COL24A1: variants seen among roughly 807,000 people sequenced by gnomAD.
COL24A1 encodes the protein collagen type XXIV alpha 1 chain.
Under a neutral mutation model 253.9 loss-of-function variants are expected in COL24A1, and 224 were observed. The ratio of observed to expected loss-of-function variants is 0.88; its 90% CI spans 0.79 to 0.99. COL24A1 has a LOEUF of 0.99. Among genes scored for constraint, COL24A1 ranks in the 50% least tolerant of loss-of-function variants. The pLI is 0.00. For synonymous variants in COL24A1, 685 were observed against 673.7 expected (o/e 1.02, Z -0.26); for missense variants, 2,131 against 2,068.5 (o/e 1.03, Z -0.59).
intron 2 of COL24A1, among the ~76,000 whole-genome samples, chr1:86,145,867 A>G (rs906419699): frequency 1.3e-5 from 2 of 152,078 alleles, no homozygotes; most frequent in Admixed American, 1.3e-4. Flanking sequence ...TTATTGTACA[A>G]AACTTCTTTT....
chr1:85,965,127 C>A, intron 22 of COL24A1, 65 bp from the exon 23 acceptor site: 3 of 1,269,922 alleles, frequency 2.4e-6, no homozygotes, highest in African/African-American at 3.0e-5. Flanking sequence ...TTGAAAGTTT[C>A]CTAAGATATA....
chr1:85,926,264 T>C (rs1365306795), intron 24 of COL24A1, among the ~76,000 whole-genome samples: 1 of 152,208 alleles, frequency 6.6e-6, no homozygotes, highest in African/African-American at 2.4e-5. Flanking sequence ...GAAGACAGTG[T>C]GGCAATTCCT....
At chr1:86,051,561 G>A (rs1700304590) in intron 10 of COL24A1, among the ~76,000 whole-genome samples, 1 of 152,056 alleles carries the variant, frequency 6.6e-6, no homozygotes, top group Non-Finnish European at 1.5e-5. Flanking sequence ...TGATTGGTGG[G>A]CAAGAGGTGA....
Position 85,730,470 on chromosome 1 carries a change from G to T in COL24A1, c.*76C>A. ...TTATTACATGCATTTCATAATGACT[G>T]TATCTGTCTGTCTTATTTCTCCCTC... On this transcript the variant is annotated 3_prime_UTR_variant, in exon 60 of 60. Coordinates refer to ENST00000370571, the MANE Select transcript of COL24A1 (RefSeq NM_152890.7). 1 of 1,472,812 alleles carries T rather than the reference G, an allele frequency of 6.8e-7. No homozygotes were observed. The highest frequency in any genetic ancestry group is 9.4e-7 in the Non-Finnish European group (1 of 1,064,700). 91.2% of individuals were successfully genotyped at this position (1,472,812 alleles called of 1,614,324 possible).
Position 85,916,390 on chromosome 1 carries a change from A to G in COL24A1, c.2563-4957T>C, listed in dbSNP as rs903996887. ...GATAGAGGTTCTCACTAAAAAGTAG[A>G]TAGTTCACAGGGTTCCGGCCATGCC... On this transcript the variant is annotated intron_variant, in intron 24 of 59. Coordinates refer to ENST00000370571, the MANE Select transcript of COL24A1 (RefSeq NM_152890.7). Among the ~76,000 whole-genome samples, 3 of 152,216 alleles carry G rather than the reference A, an allele frequency of 2.0e-5. No individual in the cohort carries two copies. The East Asian group carries it at 5.8e-4, about 29-fold the overall frequency.
intron 43 of COL24A1, among the ~76,000 whole-genome samples, chr1:85,828,646 C>T (rs1031834549): frequency 7.2e-6 from 1 of 139,860 alleles, no homozygotes; most frequent in African/African-American, 2.6e-5. Context: ...GTTAGCTCTT[C>T]TTGTTGAATT....
At chr1:86,015,226 C>T (rs941708247) in intron 19 of COL24A1, among the ~76,000 whole-genome samples, 1 of 152,152 alleles carries the variant, frequency 6.6e-6, no homozygotes, top group Non-Finnish European at 1.5e-5. Context: ...TTTCCCAAAA[C>T]AATCTAGCAT....
chr1:85,870,897 A>G (rs1298620999), intron 35 of COL24A1, among the ~76,000 whole-genome samples: 1 of 152,200 alleles, frequency 6.6e-6, no homozygotes, highest in African/African-American at 2.4e-5. Context: ...CAAAAAATCA[A>G]TGAATCCAAG....
chr1:85,850,985 ATG>A (rs377211464), intron 37 of COL24A1, among the ~76,000 whole-genome samples: 46 of 144,666 alleles, frequency 3.2e-4, no homozygotes, highest in African/African-American at 7.6e-4. Flanking sequence ...GTGTATGTCT[ATG>A]TGTGTGTGTG....
intron 37 of COL24A1, among the ~76,000 whole-genome samples, chr1:85,864,752 CAG>C (rs1165691253): frequency 2.0e-5 from 3 of 152,126 alleles, no homozygotes; most frequent in Non-Finnish European, 4.4e-5. Flanking sequence ...CCACCTTAAA[CAG>C]ATAGTAAAAA....
At chr1:85,738,314 A>G (rs1433236873) in intron 57 of COL24A1, among the ~76,000 whole-genome samples, 1 of 152,232 alleles carries the variant, frequency 6.6e-6, no homozygotes, top group Non-Finnish European at 1.5e-5. Context: ...AAATAAAAAT[A>G]TGAGAACATT....
Position 86,066,231 on chromosome 1 carries a change from CTTTTTTTTTTTTT to C in COL24A1, c.1708-2485_1708-2473del, listed in dbSNP as rs71078637. 8.4e-4 allele frequency among the ~76,000 whole-genome samples: 72 copies of C among 85,554 alleles called. 2 individuals carry two copies. The South Asian group carries it at 0.029, about 35-fold the overall frequency. 56.1% of individuals were successfully genotyped at this position (85,554 alleles called of 152,430 possible). On this transcript the variant is annotated intron_variant, in intron 7 of 59. Coordinates refer to ENST00000370571, the MANE Select transcript of COL24A1 (RefSeq NM_152890.7). The stretch of plus-strand genomic sequence containing the variant: ...TTTTCCTTGAAATATCCTAAGTCTC[CTTTTTTTTTTTTT>C]TTTTTTTTTTTTGAGGCAGAGTCTC...
chr1:86,149,538 G>A (rs1652440627), intron 1 of COL24A1, among the ~76,000 whole-genome samples: 1 of 152,218 alleles, frequency 6.6e-6, no homozygotes, highest in African/African-American at 2.4e-5. Flanking sequence ...TAAGTATAAA[G>A]TTGAATGTGA....
At chr1:85,998,478 T>C (rs1558951563) in intron 19 of COL24A1, among the ~76,000 whole-genome samples, 1 of 152,240 alleles carries the variant, frequency 6.6e-6, no homozygotes, top group Non-Finnish European at 1.5e-5. Context: ...GGCATGTTTC[T>C]CTATTCCAAT....
intron 20 of COL24A1, among the ~76,000 whole-genome samples, chr1:85,984,273 TA>T (rs1693516720): frequency 6.6e-6 from 1 of 151,830 alleles, no homozygotes. Context: ...TTAAAAACAT[TA>T]AGTTCTATTA....
chr1:85,857,498 A>G (rs1000706774), intron 37 of COL24A1, among the ~76,000 whole-genome samples: 3 of 151,924 alleles, frequency 2.0e-5, no homozygotes, highest in African/African-American at 7.2e-5. Context: ...CAAAGAAAAA[A>G]ATGAAAATTA....
rs561343056 is a variant in COL24A1, at chr1:85,863,620, T to C, written c.3300+4899A>G. Among the ~76,000 whole-genome samples the C allele has an allele frequency of 4.9e-3, 744 of 152,128 alleles. 11 individuals carry two copies. The highest frequency in any genetic ancestry group is 5.4e-3 in the Non-Finnish European group (370 of 67,976). ...ACCATCAGAGTGAACAGGCAACCTA[T>C]AGAATGGGAGAAAATTTTTGCAATC... On this transcript the variant is annotated intron_variant, in intron 37 of 59. Transcript: ENST00000370571.
chr1:86,115,367 A>G lies in COL24A1; in HGVS notation c.1503T>C (p.Gly501=), dbSNP rs776694396. 6.2e-7 allele frequency: 1 copy of G among 1,613,766 alleles called. No individual in the cohort carries two copies. The highest frequency in any genetic ancestry group is 8.5e-7 in the Non-Finnish European group (1 of 1,179,870). ...CTGACGGACCTGGGATACCTGCTGG[A>G]CCAGGTGGACCCTTGGAAAACAAAT... ...KGDTGPPGPP[G]PAGIPGPSGK... Residue 501 remains glycine, a synonymous_variant, in exon 4 of 60, where the codon GGT becomes GGC. Coordinates refer to ENST00000370571, the MANE Select transcript of COL24A1 (RefSeq NM_152890.7).
intron 20 of COL24A1, among the ~76,000 whole-genome samples, chr1:85,980,368 C>A (rs557055206): frequency 1.2e-4 from 18 of 151,728 alleles, no homozygotes; most frequent in Admixed American, 2.0e-4. Context: ...AATAAAGAAT[C>A]GGTAAAGAGG....
Sources: gnomAD v4.1 joint callset for allele counts (sites outside exome capture counted in the v4.1 genomes callset) on GRCh38, gnomAD v4.1.1 for gene constraint, MANE v1.5 for transcripts, NCBI Gene and HGNC (gene_info 2026-07-23, HGNC 2026-07-21) for gene names.